Variants in XPO7 observed in about 807,000 individuals in gnomAD.
XPO7 encodes exportin 7.
A neutral mutation model predicts 144.3 loss-of-function variants in XPO7; 21 were observed. The observed-to-expected ratio is 0.15, with a 90% CI of 0.10 to 0.21. XPO7 has a LOEUF of 0.21. XPO7 is among the 10% of genes least tolerant of loss of function. XPO7 has a pLI of 1.00. For missense variants in XPO7, 808 were observed against 1,325.8 expected (o/e 0.61, Z 6.06); for synonymous variants, 580 against 499.6 (o/e 1.16, Z -2.15).
chr8:21,971,748 C>T, intron 4 of XPO7, 128 bp from the exon 5 acceptor site: 1 of 590,574 alleles, frequency 1.7e-6, no homozygotes, highest in South Asian at 3.3e-5. Flanking sequence ...ACTATGATTC[C>T]TTGCTGCCTT....
chr8:21,981,245 C>T (rs991738294), intron 9 of XPO7, among the ~76,000 whole-genome samples: 1 of 152,154 alleles, frequency 6.6e-6, no homozygotes, highest in African/African-American at 2.4e-5. Flanking sequence ...GAATAAATTA[C>T]AGTAAGTGAT....
chr8:22,002,593 C>G (rs1813188540), intron 25 of XPO7, among the ~76,000 whole-genome samples: 1 of 152,114 alleles, frequency 6.6e-6, no homozygotes, highest in Admixed American at 6.5e-5. Flanking sequence ...TTAGCAGCAT[C>G]CAGCTTTCTA....
chr8:21,945,591 T>C (rs1402350113), intron 1 of XPO7, among the ~76,000 whole-genome samples: 1 of 152,192 alleles, frequency 6.6e-6, no homozygotes, highest in Non-Finnish European at 1.5e-5. Flanking sequence ...ATCCTCCTAC[T>C]GTACAACACC....
chr8:21,933,620 AT>A (rs1563310970), intron 1 of XPO7, among the ~76,000 whole-genome samples: 1 of 152,092 alleles, frequency 6.6e-6, no homozygotes, highest in Non-Finnish European at 1.5e-5. Flanking sequence ...TTTTTATATT[AT>A]ATTTTATTTA....
chr8:21,927,682 A>G (rs935188039), intron 1 of XPO7, among the ~76,000 whole-genome samples: 4 of 151,734 alleles, frequency 2.6e-5, no homozygotes, highest in Admixed American at 6.6e-5. Flanking sequence ...AGTAGCTGGG[A>G]TTACAGGCAT....
At chr8:21,935,936 G>T (rs1810807807) in intron 1 of XPO7, among the ~76,000 whole-genome samples, 1 of 151,946 alleles carries the variant, frequency 6.6e-6, no homozygotes, top group African/African-American at 2.4e-5. Context: ...TCTGTCCCTT[G>T]GGGTTTTCTT....
chr8:21,999,252 G>C lies in XPO7; in HGVS notation c.2590G>C (p.Ala864Pro). 1 of 1,613,610 alleles carries C rather than the reference G, an allele frequency of 6.2e-7. No homozygotes were observed. The highest frequency in any genetic ancestry group is 2.2e-5 in the East Asian group (1 of 44,878). ...CTATGGAGACGATGCCCTGGACAAT[G>C]CTCTGCAGACCTTCATCAAGCTGCT... The part of the protein sequence containing the change: ...RLYGDDALDN[A>P]LQTFIKLLLS... Residue 864 changes from alanine to proline, a missense_variant, in exon 23 of 28, where the codon GCT becomes CCT. Physicochemically the swap from Ala to Pro is conservative, Grantham distance 27 (BLOSUM62 -1). Coordinates refer to ENST00000252512, the MANE Select transcript of XPO7 (RefSeq NM_015024.5).
At chr8:21,976,543 C>G in intron 7 of XPO7, 22 bp downstream of exon 7, 1 of 1,601,394 alleles carries the variant, frequency 6.2e-7, no homozygotes, top group South Asian at 1.1e-5. Flanking sequence ...TCCTCCACCT[C>G]AAAGGCTGTC....
chr8:21,979,162 C>T (rs1277821822), intron 8 of XPO7, among the ~76,000 whole-genome samples: 3 of 152,196 alleles, frequency 2.0e-5, no homozygotes, highest in Non-Finnish European at 4.4e-5. Context: ...TCTCCTGCCT[C>T]AGCCTCCTGA....
intron 12 of XPO7, 38 bp from the exon 13 acceptor site, chr8:21,985,548 A>G: frequency 3.2e-6 from 5 of 1,574,444 alleles, no homozygotes; most frequent in Non-Finnish European, 4.4e-6. Flanking sequence ...TCAAGAAACT[A>G]TCACTGGAGG....
chr8:21,974,563 G>A, intron 5 of XPO7, 107 bp from the exon 6 acceptor site: 1 of 700,188 alleles, frequency 1.4e-6, no homozygotes, highest in Non-Finnish European at 2.3e-6. Flanking sequence ...TGTATTTTAT[G>A]TTTATGTTGC....
At chr8:21,961,542 G>T (rs1458012841) in intron 1 of XPO7, among the ~76,000 whole-genome samples, 1 of 152,068 alleles carries the variant, frequency 6.6e-6, no homozygotes, top group African/African-American at 2.4e-5. Flanking sequence ...TATACTCCCA[G>T]TTTTCCAATG....
At chr8:21,938,425 G>A (rs918449498) in intron 1 of XPO7, among the ~76,000 whole-genome samples, 48 of 152,216 alleles carry the variant, frequency 3.2e-4, no homozygotes, top group African/African-American at 1.1e-3. Flanking sequence ...CCCTATACCC[G>A]ATAAGTAGTC....
chr8:21,940,183 A>G (rs1223176836), intron 1 of XPO7, among the ~76,000 whole-genome samples: 1 of 152,232 alleles, frequency 6.6e-6, no homozygotes, highest in African/African-American at 2.4e-5. Flanking sequence ...TGGTAAAAAT[A>G]ACACCACCTT....
chr8:21,973,554 A>G (rs1812134043), intron 5 of XPO7, among the ~76,000 whole-genome samples: 1 of 152,246 alleles, frequency 6.6e-6, no homozygotes, highest in Admixed American at 6.5e-5. Flanking sequence ...AAGAAAGTAT[A>G]TTTCTGTCAC....
Position 21,960,791 on chromosome 8 carries a change from T to TA in XPO7, c.19-6062dup, listed in dbSNP as rs557078033. On this transcript the variant is annotated intron_variant, in intron 1 of 27. Coordinates refer to ENST00000252512, the MANE Select transcript of XPO7 (RefSeq NM_015024.5). ...GAGAAACTAATGGGAGTCGTGGTTG[T>TA]AAAAGCATTTAGCGTTGTAAAACTA... is the stretch of plus-strand genomic sequence containing the variant. Among the ~76,000 whole-genome samples the TA allele has an allele frequency of 2.7e-3, 417 of 152,350 alleles. 2 individuals carry two copies. The highest frequency in any genetic ancestry group is 0.027 in the South Asian group (130 of 4,826).
At chr8:21,928,893 G>A (rs925546944) in intron 1 of XPO7, among the ~76,000 whole-genome samples, 6 of 152,160 alleles carry the variant, frequency 3.9e-5, no homozygotes, top group Admixed American at 2.6e-4. Context: ...TACCACAGTG[G>A]CAGAGCTGAA....
intron 1 of XPO7, among the ~76,000 whole-genome samples, chr8:21,925,256 T>C (rs957093073): frequency 8.5e-5 from 13 of 152,222 alleles, no homozygotes; most frequent in African/African-American, 2.4e-4. Context: ...GTATTTCTGA[T>C]ATTTGCTTCA....
intron 15 of XPO7, among the ~76,000 whole-genome samples, chr8:21,988,194 A>G (rs1489828650): frequency 6.6e-6 from 1 of 152,166 alleles, no homozygotes; most frequent in Non-Finnish European, 1.5e-5. Context: ...TGCTCCAGGG[A>G]TGCCCAGCAT....
Sources: gnomAD v4.1 joint callset for allele counts (sites outside exome capture counted in the v4.1 genomes callset) on GRCh38, gnomAD v4.1.1 for gene constraint, MANE v1.5 for transcripts, NCBI Gene and HGNC (gene_info 2026-07-23, HGNC 2026-07-21) for gene names.